WWOX: variants seen among roughly 807,000 people sequenced by gnomAD.
The protein encoded by WWOX is WW domain containing oxidoreductase.
A neutral mutation model predicts 46.2 loss-of-function variants in WWOX; 69 were observed. The observed-to-expected ratio is 1.49, with a 90% CI of 1.23 to 1.82. The LOEUF is 1.82. Ranked by LOEUF, WWOX falls within the 40% of genes most tolerant of loss-of-function variation. The probability of loss-of-function intolerance (pLI) is 0.00; values close to 1 mark genes in which losing one functional copy is unlikely to be tolerated. For synonymous variants in WWOX, 359 were observed against 202.6 expected, an observed-to-expected ratio of 1.77 and a Z score of -6.56; for missense variants, 919 against 542.6, an observed-to-expected ratio of 1.69 and a Z score of -6.89.
intron 8 of WWOX, among the ~76,000 whole-genome samples, chr16:78,808,105 C>G (rs1035416958): frequency 6.6e-6 from 1 of 152,190 alleles, no homozygotes; most frequent in Non-Finnish European, 1.5e-5. Flanking sequence ...AGGGCCTAGG[C>G]CCAAGCAACC....
intron 8 of WWOX, among the ~76,000 whole-genome samples, chr16:78,842,343 A>C (rs1192323414): frequency 6.6e-6 from 1 of 151,854 alleles, no homozygotes. Flanking sequence ...AAAAAAAAAA[A>C]AAAAATTAAA....
intron 4 of WWOX, among the ~76,000 whole-genome samples, chr16:78,134,026 C>T (rs2033701694): frequency 6.6e-6 from 1 of 152,144 alleles, no homozygotes; most frequent in South Asian, 2.1e-4. Flanking sequence ...TAGACTGTTT[C>T]CTTAAAGAAT....
chr16:78,414,565 AAAAC>A (rs139710306), intron 6 of WWOX, among the ~76,000 whole-genome samples: 1,717 of 152,278 alleles, frequency 0.011, 21 homozygotes, highest in African/African-American at 0.035. Context: ...AAACTGTCTT[AAAAC>A]AAACAAACAA....
rs528293412 is a variant in WWOX at position 78,587,193 on chromosome 16, C to CTTTTTTTTTTT, written c.1056+154454_1056+154464dup. The stretch of plus-strand genomic sequence containing the variant: ...AGCAGATGCCACCATGCCTGGCTAA[C>CTTTTTTTTTTT]TTTTTTTTTTTTTTTTTTTTTTTGT... On this transcript the variant is annotated intron_variant, in intron 8 of 8. Coordinates refer to ENST00000566780, the MANE Select transcript of WWOX (RefSeq NM_016373.4). Among the ~76,000 whole-genome samples, 240 of 112,846 alleles carry CTTTTTTTTTTT rather than the reference C, an allele frequency of 2.1e-3. 3 individuals are homozygous for CTTTTTTTTTTT. The highest frequency in any genetic ancestry group is 7.2e-3 in the African/African-American group (212 of 29,462). The allele number at this position is 112,846 out of a possible 152,430, so 74.0% of individuals were successfully genotyped here.
At chr16:79,178,653 C>G (rs1430379284) in intron 8 of WWOX, among the ~76,000 whole-genome samples, 1 of 152,108 alleles carries the variant, frequency 6.6e-6, no homozygotes, top group Non-Finnish European at 1.5e-5. Context: ...TTCATCTCTC[C>G]AATCTTCGAA....
chr16:79,180,688 C>G (rs957397043), intron 8 of WWOX, among the ~76,000 whole-genome samples: 128 of 152,232 alleles, frequency 8.4e-4, no homozygotes, highest in African/African-American at 2.9e-3. Context: ...CTTTCTCCCT[C>G]CCTCCCTCCA....
At chr16:79,122,387 C>G (rs1042904201) in intron 8 of WWOX, among the ~76,000 whole-genome samples, 1 of 152,182 alleles carries the variant, frequency 6.6e-6, no homozygotes, top group Non-Finnish European at 1.5e-5. Context: ...CAAAATCCTC[C>G]AATATTAAGA....
chr16:78,313,775 G>T (rs1016419180), intron 5 of WWOX, among the ~76,000 whole-genome samples: 9 of 152,172 alleles, frequency 5.9e-5, no homozygotes, highest in Non-Finnish European at 1.0e-4. Context: ...TATTATGGAA[G>T]AGGGCTAGAG....
intron 4 of WWOX, among the ~76,000 whole-genome samples, chr16:78,153,993 C>G (rs148940329): frequency 6.6e-6 from 1 of 152,208 alleles, no homozygotes; most frequent in East Asian, 1.9e-4. Flanking sequence ...GGGCGACTGT[C>G]CCCACCTGTC....
intron 8 of WWOX, among the ~76,000 whole-genome samples, chr16:79,186,090 T>C (rs1173480407): frequency 6.6e-6 from 1 of 152,090 alleles, no homozygotes. Context: ...GTTTTCTGCC[T>C]GTGGCTGTGG....
At chr16:78,402,200 A>T (rs1440245586) in intron 6 of WWOX, among the ~76,000 whole-genome samples, 2 of 152,194 alleles carry the variant, frequency 1.3e-5, no homozygotes, top group Admixed American at 6.5e-5. Flanking sequence ...CTGTTTGCCT[A>T]TTCTGGACAT....
At chr16:79,013,660 C>T (rs1400397002) in intron 8 of WWOX, among the ~76,000 whole-genome samples, 1 of 152,176 alleles carries the variant, frequency 6.6e-6, no homozygotes, top group Non-Finnish European at 1.5e-5. Flanking sequence ...GGTCGGTTTG[C>T]ATCACGTGGA....
chr16:78,149,266 G>A (rs1048907896), intron 4 of WWOX, among the ~76,000 whole-genome samples: 1 of 152,182 alleles, frequency 6.6e-6, no homozygotes, highest in Non-Finnish European at 1.5e-5. Flanking sequence ...ATGGTGTAAA[G>A]ATCATTTTTT....
intron 8 of WWOX, among the ~76,000 whole-genome samples, chr16:79,011,166 C>G (rs2047298949): frequency 7.9e-6 from 1 of 126,246 alleles, no homozygotes; most frequent in South Asian, 2.9e-4. Context: ...CACACACACA[C>G]ACACACACTT....
chr16:78,280,757 G>A (rs2079663659), intron 5 of WWOX: 1 of 152,180 alleles, frequency 6.6e-6, no homozygotes, highest in African/African-American at 2.4e-5. Context: ...ACATAAACAT[G>A]CTCTTTGAAG....
At chr16:78,703,525 AG>A (rs1483028452) in intron 8 of WWOX, among the ~76,000 whole-genome samples, 53 of 152,156 alleles carry the variant, frequency 3.5e-4, no homozygotes, top group African/African-American at 1.2e-3. Flanking sequence ...AGGCTGAAGC[AG>A]GAGGATCCCT....
intron 8 of WWOX, among the ~76,000 whole-genome samples, chr16:79,163,795 CAAAAAAA>C (rs66922536): frequency 0.51 from 52,194 of 102,278 alleles, 11,940 homozygotes; most frequent in East Asian, 0.9. Context: ...AACTCCACCT[CAAAAAAA>C]AAAAAAAAAA....
At chr16:79,154,392 CT>C (rs2050339901) in intron 8 of WWOX, among the ~76,000 whole-genome samples, 1 of 151,846 alleles carries the variant, frequency 6.6e-6, no homozygotes, top group African/African-American at 2.4e-5. Context: ...GTCTCCTCTT[CT>C]TTCACTCTCA....
chr16:78,688,803 T>C (rs1034362124), intron 8 of WWOX, among the ~76,000 whole-genome samples: 5 of 152,144 alleles, frequency 3.3e-5, no homozygotes, highest in East Asian at 1.9e-4. Flanking sequence ...AATCCCCACG[T>C]GTCATGGGAG....
Sources: allele counts gnomAD v4.1 joint callset (sites outside exome capture counted in the v4.1 genomes callset), GRCh38; gene constraint gnomAD v4.1.1; transcripts MANE v1.5; gene names NCBI Gene and HGNC (gene_info 2026-07-23, HGNC 2026-07-21).